Variants in GFUS observed in about 807,000 individuals in gnomAD.
GFUS encodes 3-5 epimerase/4-reductase.
GFUS carries 42 observed loss-of-function variants against 41.5 expected under a neutral mutation model. The ratio of observed to expected loss-of-function variants is 1.01; its 90% CI spans 0.79 to 1.31. The LOEUF (loss-of-function observed/expected upper bound fraction) is 1.31. GFUS is among the 50% of genes most tolerant of loss of function. The pLI is 0.00. For missense variants in GFUS, 437 were observed against 428.7 expected, an observed-to-expected ratio of 1.02 and a Z score of -0.17; for synonymous variants, 188 against 173.4, an observed-to-expected ratio of 1.08 and a Z score of -0.66.
chr8:143,616,455 C>T (rs758145440), intron 2 of GFUS, 112 bp downstream of exon 2: 11 of 1,543,512 alleles, frequency 7.1e-6, no homozygotes, highest in Admixed American at 3.4e-5. Context: ...CAGGAAGGAC[C>T]CAGAAACACA....
intron 1 of GFUS, chr8:143,617,029 C>A: frequency 1.6e-5 from 6 of 380,526 alleles, no homozygotes; most frequent in South Asian, 3.9e-5. Flanking sequence ...AGAGGGGAGG[C>A]AGACAACCTT....
At chr8:143,615,122 C>T (rs1829692692) in intron 3 of GFUS, among the ~76,000 whole-genome samples, 1 of 152,132 alleles carries the variant, frequency 6.6e-6, no homozygotes, top group South Asian at 2.1e-4. Flanking sequence ...GAGGGGCTGG[C>T]TCTGCCTTCC....
In GFUS at chr8:143,614,196, C is replaced by G. The variant is rs1829656161; in HGVS notation, c.631G>C (p.Gly211Arg). ...SGSALTVWGTGNPRRQFIYSL... is the reference protein window; with the variant it reads ...SGSALTVWGTRNPRRQFIYSL... Reference sequence around the variant, plus strand: ...TATATGAACTGCCTCCGCGGATTCCCTGTACCCCACACCGTCAGGGCCGAG... The same window carrying G: ...TATATGAACTGCCTCCGCGGATTCCGTGTACCCCACACCGTCAGGGCCGAG... The change falls in exon 7 of 11, where the codon GGG (glycine) becomes CGG (arginine). Residue 211 changes from glycine to arginine, a missense_variant. Gly to Arg is a moderately radical substitution (Grantham distance 125, BLOSUM62 -2). Transcript: ENST00000425753. 1.9e-6 allele frequency: 3 copies of G among 1,613,450 alleles called. No homozygotes were observed. The highest frequency in any genetic ancestry group is 2.5e-6 in the Non-Finnish European group (3 of 1,180,030).
rs575441147 is a variant in GFUS, at chr8:143,614,546, C to T, written c.464+78G>A. On this transcript the variant is annotated intron_variant, in intron 5 of 10. Transcript: ENST00000425753. ...TCTTACTGAGGCTGGCACGAAGACCCGACCAGCCGGCCCCACCCGCCCCTG... is the reference window on the plus strand; with the variant it reads ...TCTTACTGAGGCTGGCACGAAGACCTGACCAGCCGGCCCCACCCGCCCCTG... 8 of 1,557,120 alleles carry T rather than the reference C, an allele frequency of 5.1e-6. No individual in the cohort carries two copies. In the East Asian group the frequency reaches 9.1e-5, roughly 18 times the overall value.
At position 143,612,949 on chromosome 8, in the gene GFUS, A is replaced by G. The variant is rs772266616; in HGVS notation, c.927T>C (p.Cys309=). 9 of 1,610,652 alleles carry G rather than the reference A, an allele frequency of 5.6e-6. No individual in the cohort carries two copies. The highest frequency in any genetic ancestry group is 2.2e-5 in the East Asian group (1 of 44,738). ...TPFKQAVKET[C]AWFTDNYEQA... ...GCTCGTAGTTGTCAGTGAACCAAGC[A>G]CAGGTCTCCTTCACCGCTGCAGAGG... Residue 309 remains cysteine, a synonymous_variant, in exon 11 of 11, where the codon TGT becomes TGC. Coordinates refer to ENST00000425753, the MANE Select transcript of GFUS (RefSeq NM_003313.4).
At chr8:143,614,137 G>A in intron 7 of GFUS, 27 bp downstream of exon 7, 1 of 1,611,364 alleles carries the variant, frequency 6.2e-7, no homozygotes, top group Non-Finnish European at 8.5e-7. Flanking sequence ...AGGTTCTCTG[G>A]GGAGAGCTGT....
rs140591105 is a variant in GFUS at position 143,613,875 on chromosome 8, G to A, written c.664-58C>T. 2,641 of 1,525,662 alleles carry A rather than the reference G, an allele frequency of 1.7e-3. 6 individuals are homozygous for A. Among genetic ancestry groups the A allele is most frequent in the Middle Eastern group, 6.6e-3 (39 of 5,954 alleles). 94.5% of individuals were successfully genotyped at this position (1,525,662 alleles called of 1,614,324 possible). ...GGGTATAGCCAACCCTCTCCCAAAC[G>A]CCCCTGCTGGGGAGTCCATACTGCT... On this transcript the variant is annotated intron_variant, in intron 7 of 10. Transcript: ENST00000425753.
chr8:143,615,247 T>C (rs573335504), intron 3 of GFUS, among the ~76,000 whole-genome samples: 46 of 152,216 alleles, frequency 3.0e-4, no homozygotes, highest in Middle Eastern at 3.4e-3. Context: ...GGCCCTGGGC[T>C]GGGCTGGGGC....
chr8:143,614,705 C>A lies in GFUS; in HGVS notation c.391-8G>T. ...GGGAGGCCCATTGTGGATCTGCGGG[C>A]GTGGGAGAGGCAGAGGCCGCTACTT... On this transcript the variant is annotated splice_region_variant and splice_polypyrimidine_tract_variant and intron_variant, in intron 4 of 10. Transcript: ENST00000425753. 1.2e-6 allele frequency: 2 copies of A among 1,613,058 alleles called. No homozygotes were observed. The highest frequency in any genetic ancestry group is 1.1e-5 in the South Asian group (1 of 91,070).
rs768541996 is a variant in GFUS, at chr8:143,616,708, C to A, written c.5G>T (p.Gly2Val). 3 of 1,613,610 alleles carry A rather than the reference C, an allele frequency of 1.9e-6. No homozygotes were observed. Among genetic ancestry groups the A allele is most frequent in the Admixed American group, 1.7e-5 (1 of 60,012 alleles). MGEPQGSMRILV... is the reference protein window; with the variant it reads MVEPQGSMRILV... ...AATCCGCATGGATCCCTGGGGTTCA[C>A]CCATGTCAGTTGCACCTGTAATGTC... Residue 2 changes from glycine (G) to valine (V), a missense_variant, in exon 2 of 11, where the codon GGT (glycine) becomes GTT (valine). Gly to Val is a moderately radical substitution (Grantham distance 109). Coordinates refer to ENST00000425753, the MANE Select transcript of GFUS (RefSeq NM_003313.4).
Position 143,614,922 on chromosome 8 carries a change from G to A in GFUS, c.262-7C>T. On this transcript the variant is annotated splice_polypyrimidine_tract_variant and splice_region_variant and intron_variant, in intron 3 of 10. Coordinates refer to ENST00000425753, the MANE Select transcript of GFUS (RefSeq NM_003313.4). ...TCATGTGCACGTTTTTCCTCTGCAGGGGTGAGGCGGGGACAGTTCAGGCTC... is the reference window on the plus strand; with the variant it reads ...TCATGTGCACGTTTTTCCTCTGCAGAGGTGAGGCGGGGACAGTTCAGGCTC... The A allele has an allele frequency of 6.3e-7, 1 of 1,597,114 alleles. No homozygotes were observed. Among genetic ancestry groups the A allele is most frequent in the South Asian group, 1.1e-5 (1 of 88,222 alleles).
Position 143,614,364 on chromosome 8 carries a change from C to T in GFUS, c.554G>A (p.Gly185Asp). ...GPHDNFNIED[G>D]HVLPGLIHKV... ...GTGGATGAGGCCAGGCAGCACGTGG[C>T]CATCCTCGATGTTGAAGTTGTCGTG... The change falls in exon 6 of 11, where the codon GGC becomes GAC. Residue 185 changes from glycine to aspartate, a missense_variant. Physicochemically the swap from Gly to Asp is moderately conservative, Grantham distance 94. Coordinates refer to ENST00000425753, the MANE Select transcript of GFUS (RefSeq NM_003313.4). 1 of 1,613,884 alleles carries T rather than the reference C, an allele frequency of 6.2e-7. No homozygotes were observed. The highest frequency in any genetic ancestry group is 2.2e-5 in the East Asian group (1 of 44,886).
At chr8:143,615,498 G>T (rs979433572) in intron 3 of GFUS, among the ~76,000 whole-genome samples, 1 of 152,178 alleles carries the variant, frequency 6.6e-6, no homozygotes, top group Non-Finnish European at 1.5e-5. Flanking sequence ...GCTCTGGGGT[G>T]ACAGGGCTCC....
In GFUS at chr8:143,613,832, G is replaced by A; in HGVS notation, c.664-15C>T. On this transcript the variant is annotated splice_polypyrimidine_tract_variant and intron_variant, in intron 7 of 10. Transcript: ENST00000425753. ...TGGGCCAGGTCCTAGAGGTCAGACA[G>A]GCAGGGTCAGAGACCATGGGTATAG... 6.4e-7 allele frequency: 1 copy of A among 1,550,584 alleles called. No individual in the cohort carries two copies. The highest frequency in any genetic ancestry group is 8.7e-7 in the Non-Finnish European group (1 of 1,146,944).
Position 143,612,829 on chromosome 8 carries a change from G to C in GFUS, c.*81C>G. ...CCCAGGTTGCTGGGTGGTGCCCTCA[G>C]CTCCTGGCAGGGTTGACGGGTGGTG... On this transcript the variant is annotated 3_prime_UTR_variant, in exon 11 of 11. Coordinates refer to ENST00000425753, the MANE Select transcript of GFUS (RefSeq NM_003313.4). 6.6e-7 allele frequency: 1 copy of C among 1,518,246 alleles called. No individual in the cohort carries two copies. The allele number at this position is 1,518,246 out of a possible 1,614,324, so 94.0% of individuals were successfully genotyped here. A position where few individuals can be genotyped will look rare whatever the true frequency, so the allele number is the denominator to read the frequency against.
chr8:143,613,959 G>A, intron 7 of GFUS, 142 bp from the exon 8 acceptor site: 1 of 1,165,132 alleles, frequency 8.6e-7, no homozygotes, highest in South Asian at 1.4e-5. Context: ...CTCCCTTGGA[G>A]CTCAGAGCTA....
chr8:143,616,153 T>A lies in GFUS; in HGVS notation c.214A>T (p.Met72Leu), dbSNP rs745803355. ...ATATTCCGGAACAGGCCCCCCACCA[T>A]TGCAGCAAGATGGATGACGTGTGTG... is the stretch of plus-strand genomic sequence containing the variant. ...QPTHVIHLAA[M>L]VGGLFRNIKY... is the part of the protein sequence containing the mutation. The change falls in exon 3 of 11, where the codon ATG becomes TTG. Residue 72 changes from methionine to leucine, a missense_variant. Physicochemically the swap from Met to Leu is conservative, Grantham distance 15. Transcript: ENST00000425753. 5 of 1,612,670 alleles carry A rather than the reference T, an allele frequency of 3.1e-6. No individual in the cohort carries two copies. The highest frequency in any genetic ancestry group is 4.2e-6 in the Non-Finnish European group (5 of 1,179,168).
rs751094817 is a variant in GFUS, at chr8:143,614,168, G to A, written c.659C>T (p.Ser220Leu). 9.9e-6 allele frequency: 16 copies of A among 1,613,130 alleles called. No individual in the cohort carries two copies. The highest frequency in any genetic ancestry group is 2.2e-5 in the East Asian group (1 of 44,888). The change falls in exon 7 of 11, where the codon TCG (serine) becomes TTG (leucine). Residue 220 changes from serine (S) to leucine (L), a missense_variant. Coordinates refer to ENST00000425753, the MANE Select transcript of GFUS (RefSeq NM_003313.4). ...TGNPRRQFIYSLDLAQLFIWV... is the reference protein window; with the variant it reads ...TGNPRRQFIYLLDLAQLFIWV... ...GCTGTGCCTTCCTTTACGCACCAGC[G>A]AGTATATGAACTGCCTCCGCGGATT... is the stretch of plus-strand genomic sequence containing the variant.
At position 143,614,621 on chromosome 8, in the gene GFUS, G is replaced by T. The variant is rs1023265387; in HGVS notation, c.464+3C>A. 2 of 1,587,968 alleles carry T rather than the reference G, an allele frequency of 1.3e-6. No individual in the cohort carries two copies. The highest frequency in any genetic ancestry group is 1.7e-6 in the Non-Finnish European group (2 of 1,162,358). On this transcript the variant is annotated splice_donor_region_variant and intron_variant, in intron 5 of 10. Coordinates refer to ENST00000425753, the MANE Select transcript of GFUS (RefSeq NM_003313.4). ...TGGGCCTCAGCAGGATGGGCGCGAGGACCTGTTCTGCACGTCGATCATCCT... is the reference window on the plus strand; with the variant it reads ...TGGGCCTCAGCAGGATGGGCGCGAGTACCTGTTCTGCACGTCGATCATCCT...
Sources: allele counts gnomAD v4.1 joint callset (sites outside exome capture counted in the v4.1 genomes callset), GRCh38; gene constraint gnomAD v4.1.1; transcripts MANE v1.5; gene names NCBI Gene and HGNC (gene_info 2026-07-23, HGNC 2026-07-21).